The following TRIM24 variants were observed in gnomAD, a reference collection of about 807,000 sequenced individuals.
TRIM24 encodes the protein tripartite motif containing 24.
Under a neutral mutation model 123.9 loss-of-function variants are expected in TRIM24, and 29 were observed. That is an observed-to-expected ratio of 0.23 (90% confidence interval 0.17 to 0.32). TRIM24 has a LOEUF of 0.32. Ranked by LOEUF, TRIM24 falls within the 10% of genes least tolerant of loss-of-function variation. The probability of loss-of-function intolerance (pLI) is 1.00; values close to 1 mark genes in which losing one functional copy is unlikely to be tolerated. For synonymous variants in TRIM24, 456 were observed against 461.1 expected (o/e 0.99, Z 0.14); for missense variants, 932 against 1,295.3 (o/e 0.72, Z 4.31).
At chr7:138,497,653 T>G (rs1324378813) in intron 1 of TRIM24, among the ~76,000 whole-genome samples, 1 of 151,788 alleles carries the variant, frequency 6.6e-6, no homozygotes, top group African/African-American at 2.4e-5. Flanking sequence ...CCTCGGTCTC[T>G]CAAAGTGCTA....
chr7:138,490,927 T>A lies in TRIM24; in HGVS notation c.365-13363T>A. 3 of 375,576 alleles carry A rather than the reference T, an allele frequency of 8.0e-6. No individual in the cohort carries two copies. The East Asian group carries it at 2.2e-4, about 27-fold the overall frequency. 23.3% of individuals were successfully genotyped at this position (375,576 alleles called of 1,614,324 possible). On this transcript the variant is annotated intron_variant, in intron 1 of 18. Transcript: ENST00000343526. ...GCATAAGAGATCTTCCGTATCTGATTGTTGGTTTTTTTAGTAAAACCAATA... is the reference window on the plus strand; with the variant it reads ...GCATAAGAGATCTTCCGTATCTGATAGTTGGTTTTTTTAGTAAAACCAATA...
chr7:138,493,946 A>G (rs1393420653), intron 1 of TRIM24, among the ~76,000 whole-genome samples: 1 of 151,846 alleles, frequency 6.6e-6, no homozygotes, highest in Non-Finnish European at 1.5e-5. Flanking sequence ...AATGCCCTTT[A>G]TATCTGTTTT....
At chr7:138,534,051 C>T (rs1452696228) in intron 6 of TRIM24, among the ~76,000 whole-genome samples, 4 of 152,050 alleles carry the variant, frequency 2.6e-5, no homozygotes, top group Non-Finnish European at 4.4e-5. Flanking sequence ...TCTGTGGGAT[C>T]GGTGGTGATA....
chr7:138,563,778 G>T (rs1797476205), intron 9 of TRIM24, among the ~76,000 whole-genome samples: 1 of 152,202 alleles, frequency 6.6e-6, no homozygotes, highest in African/African-American at 2.4e-5. Flanking sequence ...GCTCCTTGAA[G>T]AACTTCTGAG....
chr7:138,503,415 A>G (rs918604235), intron 1 of TRIM24, among the ~76,000 whole-genome samples: 4 of 152,014 alleles, frequency 2.6e-5, no homozygotes, highest in Admixed American at 2.0e-4. Context: ...AATCTTTTAA[A>G]ATTTATTTCT....
At chr7:138,463,989 C>CTTTTTTTTTTTTGTTTTT (rs1795073165) in intron 1 of TRIM24, among the ~76,000 whole-genome samples, 1 of 50,766 alleles carries the variant, frequency 2.0e-5, no homozygotes, top group Admixed American at 3.2e-4. Context: ...AAAATTTAGA[C>CTTTTTTTTTTTTGTTTTT]TTTTTTTTTT....
chr7:138,508,964 T>G (rs972417172), intron 2 of TRIM24, among the ~76,000 whole-genome samples: 1 of 152,010 alleles, frequency 6.6e-6, no homozygotes, highest in African/African-American at 2.4e-5. Flanking sequence ...ATTTATTTAT[T>G]TAGAGACAGA....
At chr7:138,524,004 C>A (rs1370602183) in intron 4 of TRIM24, among the ~76,000 whole-genome samples, 2 of 152,018 alleles carry the variant, frequency 1.3e-5, no homozygotes, top group East Asian at 3.9e-4. Context: ...GTAGTATTGT[C>A]ATTTTGGGAC....
chr7:138,518,925 A>C (rs1225192594), intron 3 of TRIM24, among the ~76,000 whole-genome samples: 1 of 152,218 alleles, frequency 6.6e-6, no homozygotes, highest in Non-Finnish European at 1.5e-5. Flanking sequence ...CATATTTTTA[A>C]CTACACACTT....
chr7:138,481,579 G>C (rs1025855260), intron 1 of TRIM24, among the ~76,000 whole-genome samples: 2 of 152,088 alleles, frequency 1.3e-5, no homozygotes, highest in South Asian at 4.1e-4. Context: ...ACTGTGGGAG[G>C]ATCACTCGAG....
At chr7:138,473,212 G>A (rs538375225) in intron 1 of TRIM24, among the ~76,000 whole-genome samples, 24 of 152,268 alleles carry the variant, frequency 1.6e-4, no homozygotes, top group South Asian at 2.1e-4. Flanking sequence ...CCCAGGAGGC[G>A]GAGGCTGCAG....
In TRIM24 at chr7:138,519,161, T is replaced by G. The variant is rs554500259; in HGVS notation, c.632-28T>G. ...TTACTATTCAATTATGTTAATTTTC[T>G]TCTCTTTGTCTCCCATTGTTTCTGC... On this transcript the variant is annotated intron_variant, in intron 3 of 18. Transcript: ENST00000343526. 3.1e-6 allele frequency: 5 copies of G among 1,613,896 alleles called. No individual in the cohort carries two copies. In the African/African-American group the frequency reaches 6.7e-5, roughly 22 times the overall value.
At chr7:138,537,859 A>G (rs2116607064) in intron 6 of TRIM24, among the ~76,000 whole-genome samples, 1 of 152,292 alleles carries the variant, frequency 6.6e-6, no homozygotes, top group Non-Finnish European at 1.5e-5. Flanking sequence ...GTAGTATAGC[A>G]ATTTTACTTG....
rs1348349355 is a variant in TRIM24 at position 138,585,172 on chromosome 7, AAAG to A, written c.*225_*227del. The A allele has an allele frequency of 2.7e-5, 10 of 365,612 alleles. No homozygotes were observed. The highest frequency in any genetic ancestry group is 3.9e-5 in the Non-Finnish European group (8 of 206,508). The allele number at this position is 365,612 out of a possible 1,614,324, so 22.6% of individuals were successfully genotyped here. A position where few individuals can be genotyped will look rare whatever the true frequency, so the allele number is the denominator to read the frequency against. ...GAGATGAATAGAAGAAAGAAAATGG[AAAG>A]AAGGAAAAAAGGAGGATAGAAAAAG... is the stretch of plus-strand genomic sequence containing the variant. On this transcript the variant is annotated 3_prime_UTR_variant, in exon 19 of 19. Transcript: ENST00000343526.
At chr7:138,526,062 CTGT>C (rs1386098445) in intron 5 of TRIM24, among the ~76,000 whole-genome samples, 17 of 152,318 alleles carry the variant, frequency 1.1e-4, no homozygotes, top group African/African-American at 4.1e-4. Flanking sequence ...ATGACCTCTT[CTGT>C]TGTTTTACAC....
intron 5 of TRIM24, 133 bp downstream of exon 5, chr7:138,525,490 T>C: frequency 4.8e-6 from 2 of 415,684 alleles, no homozygotes; most frequent in Non-Finnish European, 4.3e-6. Context: ...GATAAGACTT[T>C]CCCAGAAACT....
At chr7:138,518,155 T>G (rs967676350) in intron 3 of TRIM24, among the ~76,000 whole-genome samples, 5 of 152,158 alleles carry the variant, frequency 3.3e-5, no homozygotes, top group African/African-American at 1.2e-4. Flanking sequence ...TACTATACAG[T>G]TAATAAATAA....
At chr7:138,548,222 G>A (rs117798471) in intron 7 of TRIM24, among the ~76,000 whole-genome samples, 1,695 of 152,238 alleles carry the variant, frequency 0.011, 35 homozygotes, top group Admixed American at 0.041. Context: ...CTTTTGCTCT[G>A]ATCTGTACAG....
intron 1 of TRIM24, among the ~76,000 whole-genome samples, chr7:138,476,186 C>G (rs1795392360): frequency 6.6e-6 from 1 of 152,172 alleles, no homozygotes; most frequent in African/African-American, 2.4e-5. Flanking sequence ...TAGATTAACA[C>G]AACTGAAAGG....
Sources: gnomAD v4.1 joint callset for allele counts (sites outside exome capture counted in the v4.1 genomes callset) on GRCh38, gnomAD v4.1.1 for gene constraint, MANE v1.5 for transcripts, NCBI Gene and HGNC (gene_info 2026-07-23, HGNC 2026-07-21) for gene names.